The following PLEKHM1 variants were observed in gnomAD, a reference collection of about 807,000 sequenced individuals.
PLEKHM1 encodes pleckstrin homology domain-containing family M member 1.
PLEKHM1 carries 28 observed loss-of-function variants against 94.3 expected under a neutral mutation model. The observed-to-expected ratio is 0.30, with a 90% confidence interval of 0.22 to 0.41. The LOEUF (loss-of-function observed/expected upper bound fraction) is 0.41, where lower values mean the gene tolerates loss of function less well. Among genes scored for constraint, PLEKHM1 ranks in the 10% least tolerant of loss-of-function variants. The pLI is 1.00. For synonymous variants in PLEKHM1, 424 were observed against 581.2 expected (o/e 0.73, Z 3.89); for missense variants, 907 against 1,358.6 (o/e 0.67, Z 5.22).
At chr17:45,460,470 G>C (rs2051119158) in intron 5 of PLEKHM1, 1 of 152,260 alleles carries the variant, frequency 6.6e-6, no homozygotes, top group African/African-American at 2.4e-5. Flanking sequence ...GGCCAGGCTG[G>C]TCTTGAACTC....
intron 5 of PLEKHM1, among the ~76,000 whole-genome samples, chr17:45,465,525 A>G (rs2051292853): frequency 6.6e-6 from 1 of 151,934 alleles, no homozygotes; most frequent in Non-Finnish European, 1.5e-5. Context: ...CCTGGTCAAC[A>G]TGGTGAAACC....
chr17:45,466,662 G>A (rs920775636), intron 5 of PLEKHM1, among the ~76,000 whole-genome samples: 5 of 152,114 alleles, frequency 3.3e-5, no homozygotes, highest in Non-Finnish European at 1.5e-5. Flanking sequence ...TCATCATTTA[G>A]TCATCAAGGA....
intron 9 of PLEKHM1, among the ~76,000 whole-genome samples, chr17:45,443,866 C>T (rs117973276): frequency 1.1e-4 from 16 of 152,214 alleles, no homozygotes; most frequent in South Asian, 2.1e-4. Context: ...CAGTCACCCA[C>T]GATGCTTGGG....
chr17:45,462,819 T>C (rs913058451), intron 5 of PLEKHM1, among the ~76,000 whole-genome samples: 2 of 152,142 alleles, frequency 1.3e-5, no homozygotes, highest in Non-Finnish European at 2.9e-5. Flanking sequence ...TGATGGATCA[T>C]GCCTGTAATC....
intron 4 of PLEKHM1, among the ~76,000 whole-genome samples, chr17:45,470,847 T>A (rs1261652386): frequency 6.6e-6 from 1 of 151,468 alleles, no homozygotes; most frequent in African/African-American, 2.4e-5. Context: ...GTTTTTTTTT[T>A]AGTAGAGATG....
chr17:45,453,023 C>G lies in PLEKHM1; in HGVS notation c.2497+332G>C, dbSNP rs1217186024. 1.9e-6 allele frequency: 1 copy of G among 526,394 alleles called. No homozygotes were observed. Among genetic ancestry groups the G allele is most frequent in the East Asian group, 3.3e-5 (1 of 30,114 alleles). 32.6% of individuals were successfully genotyped at this position (526,394 alleles called of 1,614,324 possible). A position where few individuals can be genotyped will look rare whatever the true frequency, so the allele number is the denominator to read the frequency against. On this transcript the variant is annotated intron_variant, in intron 7 of 11. Coordinates refer to ENST00000430334, the MANE Select transcript of PLEKHM1 (RefSeq NM_014798.3). The surrounding 1 kb of genome is among the most constrained non-coding windows in gnomAD (Gnocchi z 4.1). Reference sequence around the variant, plus strand: ...TATTTGGAAGGAAACCATGCCCCTGCTCTGAAAGAACAGGACGGTAGAGCA... The same window carrying G: ...TATTTGGAAGGAAACCATGCCCCTGGTCTGAAAGAACAGGACGGTAGAGCA...
Position 45,453,638 on chromosome 17 carries a change from G to A in PLEKHM1, c.2214C>T (p.Thr738=), listed in dbSNP as rs898831998. The change falls in exon 7 of 12, where the codon ACC becomes ACT. Residue 738 remains threonine, a synonymous_variant. Coordinates refer to ENST00000430334, the MANE Select transcript of PLEKHM1 (RefSeq NM_014798.3). The surrounding 1 kb of genome is among the most constrained non-coding windows in gnomAD (Gnocchi z 4.1). ...VETIRDILPD[T]SLGGPSFFKI... is the part of the protein sequence containing the mutation. ...TGAAGAAGGATGGGCCCCCAAGGCT[G>A]GTGTCTGGCAGGATGTCCCGGATGG... is the stretch of plus-strand genomic sequence containing the variant. 7 of 1,611,676 alleles carry A rather than the reference G, an allele frequency of 4.3e-6. No homozygotes were observed. Among genetic ancestry groups the A allele is most frequent in the Non-Finnish European group, 5.1e-6 (6 of 1,178,884 alleles).
chr17:45,458,359 T>G lies in PLEKHM1; in HGVS notation c.1389A>C (p.Pro463=). ...CTGGAGTCCCCCTGTAAGAAGCTAT[T>G]GGGTGGTCTGAAGCACTCTCCAGGG... ...EQPLESASDH[P]IASYRGTPGS... Residue 463 remains proline (P), a synonymous_variant, in exon 6 of 12, where the codon CCA becomes CCC. Coordinates refer to ENST00000430334, the MANE Select transcript of PLEKHM1 (RefSeq NM_014798.3). 2 of 1,613,986 alleles carry G rather than the reference T, an allele frequency of 1.2e-6. No homozygotes were observed. Among genetic ancestry groups the G allele is most frequent in the Non-Finnish European group, 1.7e-6 (2 of 1,179,840 alleles).
At chr17:45,438,525 C>T (rs2145153406) in intron 11 of PLEKHM1, among the ~76,000 whole-genome samples, 1 of 151,428 alleles carries the variant, frequency 6.6e-6, no homozygotes, top group Non-Finnish European at 1.5e-5. Flanking sequence ...GAGCAAGACT[C>T]CATCTCAAAA....
rs540919925 is a variant in PLEKHM1 at position 45,482,792 on chromosome 17, A to G, written c.-41-267T>C. Among the ~76,000 whole-genome samples, 5 of 152,244 alleles carry G rather than the reference A, an allele frequency of 3.3e-5. No homozygotes were observed. In the East Asian group the frequency reaches 9.7e-4, roughly 29 times the overall value. On this transcript the variant is annotated intron_variant, in intron 1 of 11. Coordinates refer to ENST00000430334, the MANE Select transcript of PLEKHM1 (RefSeq NM_014798.3). ...GGAGTAGGTGGTAAGGGCGCTTCACATCAAATGCTGCCCAGAAAGCCAAGG... is the reference window on the plus strand; with the variant it reads ...GGAGTAGGTGGTAAGGGCGCTTCACGTCAAATGCTGCCCAGAAAGCCAAGG...
Position 45,481,904 on chromosome 17 carries a change from T to G in PLEKHM1, c.48+533A>C, listed in dbSNP as rs547194280. On this transcript the variant is annotated intron_variant, in intron 2 of 11. Coordinates refer to ENST00000430334, the MANE Select transcript of PLEKHM1 (RefSeq NM_014798.3). The stretch of plus-strand genomic sequence containing the variant: ...GGACCAGCCCCAAAGCTACCTGACT[T>G]CCTGCCTCTCCAAGAGAACAGAGAG... Among the ~76,000 whole-genome samples the G allele has an allele frequency of 5.2e-3, 788 of 152,216 alleles. 9 individuals carry two copies. Among genetic ancestry groups the G allele is most frequent in the African/African-American group, 0.018 (747 of 41,514 alleles).
In PLEKHM1 at chr17:45,458,391, C is replaced by T. The variant is rs1567781911; in HGVS notation, c.1357G>A (p.Glu453Lys). The T allele has an allele frequency of 1.2e-6, 2 of 1,613,938 alleles. No individual in the cohort carries two copies. The highest frequency in any genetic ancestry group is 1.7e-6 in the Non-Finnish European group (2 of 1,179,798). Residue 453 changes from glutamate (E) to lysine (K), a missense_variant, in exon 6 of 12, where the codon GAG becomes AAG. By Grantham distance (56) the Glu-to-Lys change is moderately conservative (BLOSUM62 1). Coordinates refer to ENST00000430334, the MANE Select transcript of PLEKHM1 (RefSeq NM_014798.3). ...SEDDFYRPSR[E>K]QPLESASDHP... is the part of the protein sequence containing the mutation. The stretch of plus-strand genomic sequence containing the variant: ...TCTGAAGCACTCTCCAGGGGTTGCT[C>T]CCGGGAAGGCCGGTAGAAGTCATCC...
chr17:45,486,442 C>T (rs918467419), intron 1 of PLEKHM1, among the ~76,000 whole-genome samples: 2 of 146,286 alleles, frequency 1.4e-5, no homozygotes, highest in East Asian at 2.1e-4. Context: ...ATTAGCCGGG[C>T]GGGCACCTGT....
Position 45,475,733 on chromosome 17 carries a change from A to G in PLEKHM1, c.297-7T>C, listed in dbSNP as rs780622352. 3 of 1,595,504 alleles carry G rather than the reference A, an allele frequency of 1.9e-6. No individual in the cohort carries two copies. Among genetic ancestry groups the G allele is most frequent in the East Asian group, 2.3e-5 (1 of 43,832 alleles). ...CAACTCTGAGATGATGTGTCTGGGA[A>G]GGGAGAACAGACGTGTTTCAAGAAA... On this transcript the variant is annotated splice_polypyrimidine_tract_variant and splice_region_variant and intron_variant, in intron 3 of 11. Transcript: ENST00000430334.
rs778560481 is a variant in PLEKHM1 at position 45,453,670 on chromosome 17, C to T, written c.2182G>A (p.Val728Met). 1.9e-5 allele frequency: 31 copies of T among 1,613,282 alleles called. No homozygotes were observed. Among genetic ancestry groups the T allele is most frequent in the East Asian group, 1.3e-4 (6 of 44,876 alleles). ...NEKMLSDSHG[V>M]ETIRDILPDT... The stretch of plus-strand genomic sequence containing the variant: ...GGCAGGATGTCCCGGATGGTCTCCA[C>T]GCCGTGGCTGTCACTCAGCATCTTC... Residue 728 changes from valine (V) to methionine (M), a missense_variant, in exon 7 of 12, where the codon GTG becomes ATG. Physicochemically the swap from Val to Met is conservative, Grantham distance 21 (BLOSUM62 1). Coordinates refer to ENST00000430334, the MANE Select transcript of PLEKHM1 (RefSeq NM_014798.3). The surrounding 1 kb of genome is among the most constrained non-coding windows in gnomAD (Gnocchi z 4.1).
intron 4 of PLEKHM1, 146 bp from the exon 5 acceptor site, chr17:45,468,739 A>G (rs1016048683): frequency 1.4e-4 from 118 of 834,216 alleles, no homozygotes; most frequent in Admixed American, 2.4e-4. Context: ...ACTCCCCCTC[A>G]CGCAGTCCTC....
In PLEKHM1 at chr17:45,439,620, C is replaced by T. The variant is rs546378351; in HGVS notation, c.2916G>A (p.Val972=). ...VADLQQIADG[V]YEGFLKALIE... ...TCAGGGCCTTGAGGAATCCTTCATA[C>T]ACCCCGTCTGCGATCTGCGGAGGGC... The change falls in exon 11 of 12, where the codon GTG becomes GTA. Residue 972 remains valine, a synonymous_variant. Coordinates refer to ENST00000430334, the MANE Select transcript of PLEKHM1 (RefSeq NM_014798.3). The T allele has an allele frequency of 1.2e-6, 2 of 1,614,072 alleles. No individual in the cohort carries two copies. Among genetic ancestry groups the T allele is most frequent in the South Asian group, 1.1e-5 (1 of 91,078 alleles).
chr17:45,479,363 C>CA (rs1486549321), intron 2 of PLEKHM1, among the ~76,000 whole-genome samples: 1 of 151,864 alleles, frequency 6.6e-6, no homozygotes, highest in African/African-American at 2.4e-5. Flanking sequence ...ACTAAAAATG[C>CA]AAAAAAATAG....
At chr17:45,449,763 T>C (rs2050715623) in intron 8 of PLEKHM1, among the ~76,000 whole-genome samples, 1 of 138,916 alleles carries the variant, frequency 7.2e-6, no homozygotes, top group Non-Finnish European at 1.6e-5. Flanking sequence ...CCCATCCACC[T>C]AGCCACCTGC....
Sources: allele counts gnomAD v4.1 joint callset (sites outside exome capture counted in the v4.1 genomes callset), GRCh38; gene constraint gnomAD v4.1.1; non-coding constraint Gnocchi (gnomAD v3.1); transcripts MANE v1.5; gene names NCBI Gene and HGNC (gene_info 2026-07-23, HGNC 2026-07-21).